Variants in ARHGAP24 observed in about 807,000 individuals in gnomAD.
ARHGAP24 encodes the protein Rho GTPase activating protein 24.
In ARHGAP24, 50 loss-of-function variants were observed where a neutral mutation model predicts 76.4. The observed-to-expected ratio is 0.65, with a 90% CI of 0.52 to 0.83. The LOEUF is 0.83. ARHGAP24 is among the 40% of genes least tolerant of loss of function. ARHGAP24 has a pLI of 0.00. For synonymous variants in ARHGAP24, 345 were observed against 323.3 expected (o/e 1.07, Z -0.72); for missense variants, 930 against 914.2 (o/e 1.02, Z -0.22).
chr4:85,758,501 T>C (rs2110071489), intron 3 of ARHGAP24, among the ~76,000 whole-genome samples: 1 of 152,264 alleles, frequency 6.6e-6, no homozygotes, highest in South Asian at 2.1e-4. Context: ...GGTTGCATGT[T>C]TGCAGGGAGG....
At chr4:85,525,388 T>G (rs760339907) in intron 1 of ARHGAP24, among the ~76,000 whole-genome samples, 3 of 151,950 alleles carry the variant, frequency 2.0e-5, no homozygotes, top group Non-Finnish European at 4.4e-5. Flanking sequence ...TTTTGCATTC[T>G]TTAAGCTCTC....
At chr4:85,860,128 G>A (rs111303438) in intron 3 of ARHGAP24, among the ~76,000 whole-genome samples, 7 of 152,130 alleles carry the variant, frequency 4.6e-5, no homozygotes, top group African/African-American at 1.7e-4. Flanking sequence ...TGCTTGCCAC[G>A]GGAAGTGTAT....
Position 85,995,373 on chromosome 4 carries a change from T to G in ARHGAP24, c.1719T>G (p.Ser573=), listed in dbSNP as rs764354445. ...CTGAGAACTCCAACTCCTGTCGCTC[T>G]TCTACCACCACCTGCCCAGAGCAAG... The part of the protein sequence containing the change: ...SLPENSNSCR[S]STTTCPEQDF... The change falls in exon 9 of 10, where the codon TCT becomes TCG. Residue 573 remains serine, a synonymous_variant. Transcript: ENST00000395184. 6.2e-7 allele frequency: 1 copy of G among 1,614,112 alleles called. No homozygotes were observed.
chr4:85,813,343 G>A (rs1729091875), intron 3 of ARHGAP24, among the ~76,000 whole-genome samples: 1 of 152,172 alleles, frequency 6.6e-6, no homozygotes, highest in African/African-American at 2.4e-5. Flanking sequence ...ATGGGGGGTG[G>A]AGGGAAAAGG....
rs566284700 is a variant in ARHGAP24 at position 85,730,665 on chromosome 4, T to A, written c.268+8693T>A. On this transcript the variant is annotated intron_variant, in intron 3 of 9. Transcript: ENST00000395184. ...TACAAGCAGTCCTCCTCCCTCAGCC[T>A]CCCAAAGTGCTGGGATTATAGGCGT... 2.0e-5 allele frequency among the ~76,000 whole-genome samples: 3 copies of A among 152,252 alleles called. No individual in the cohort carries two copies. The South Asian group carries it at 6.2e-4, about 32-fold the overall frequency.
rs202079254 is a variant in ARHGAP24, at chr4:85,564,553, AT to A, written c.-20-5967del. Among the ~76,000 whole-genome samples, 284 of 151,398 alleles carry A rather than the reference AT, an allele frequency of 1.9e-3. 1 individual carries two copies. The highest frequency in any genetic ancestry group is 6.2e-3 in the African/African-American group (257 of 41,216). The stretch of plus-strand genomic sequence containing the variant: ...ACTTAAAGTATAATAATAAAAAAAA[AT>A]TAAAAAAAAAAGATTTTGTTTTCTA... On this transcript the variant is annotated intron_variant, in intron 1 of 9. Transcript: ENST00000395184.
chr4:85,746,580 C>T (rs1000881272), intron 3 of ARHGAP24, among the ~76,000 whole-genome samples: 1 of 152,098 alleles, frequency 6.6e-6, no homozygotes, highest in Admixed American at 6.6e-5. Flanking sequence ...TATTTTGTGC[C>T]TGCATGTATC....
At chr4:85,838,572 C>T (rs916361088) in intron 3 of ARHGAP24, among the ~76,000 whole-genome samples, 2 of 152,186 alleles carry the variant, frequency 1.3e-5, no homozygotes, top group African/African-American at 4.8e-5. Flanking sequence ...GCACTCCAGC[C>T]TGGGCGACAG....
chr4:85,895,076 A>C (rs1045536913), intron 3 of ARHGAP24, among the ~76,000 whole-genome samples: 4 of 146,966 alleles, frequency 2.7e-5, no homozygotes, highest in African/African-American at 5.0e-5. Flanking sequence ...ACGGAGTAAG[A>C]GGTAAAAGAC....
At chr4:85,627,885 G>C (rs1721019954) in intron 2 of ARHGAP24, among the ~76,000 whole-genome samples, 1 of 152,198 alleles carries the variant, frequency 6.6e-6, no homozygotes. Context: ...CCAGGTGCGG[G>C]ATATAATCTC....
At chr4:85,922,708 A>G (rs1304889992) in intron 3 of ARHGAP24, among the ~76,000 whole-genome samples, 2 of 152,192 alleles carry the variant, frequency 1.3e-5, no homozygotes, top group Admixed American at 6.5e-5. Flanking sequence ...TCCTTTAAAC[A>G]TAAAAGGTAT....
chr4:85,836,560 G>C (rs574736432), intron 3 of ARHGAP24, among the ~76,000 whole-genome samples: 1 of 152,240 alleles, frequency 6.6e-6, no homozygotes, highest in East Asian at 1.9e-4. Flanking sequence ...GAGGACACCA[G>C]TCATATTGGA....
intron 2 of ARHGAP24, among the ~76,000 whole-genome samples, chr4:85,675,448 G>A (rs1245791107): frequency 6.6e-6 from 1 of 152,168 alleles, no homozygotes; most frequent in Non-Finnish European, 1.5e-5. Flanking sequence ...TAACAGAAGG[G>A]CAGAATGGTT....
intron 3 of ARHGAP24, among the ~76,000 whole-genome samples, chr4:85,774,494 A>G (rs781248620): frequency 6.6e-5 from 10 of 152,228 alleles, no homozygotes; most frequent in Non-Finnish European, 1.3e-4. Flanking sequence ...AATTAGCTCT[A>G]GGCTATCTGC....
intron 3 of ARHGAP24, among the ~76,000 whole-genome samples, chr4:85,809,045 G>GA (rs1469602213): frequency 6.6e-6 from 1 of 152,124 alleles, no homozygotes; most frequent in African/African-American, 2.4e-5. Context: ...GCATTGCATA[G>GA]AAAATCATTA....
At chr4:85,713,689 A>G (rs1724619083) in intron 2 of ARHGAP24, among the ~76,000 whole-genome samples, 1 of 152,172 alleles carries the variant, frequency 6.6e-6, no homozygotes, top group Non-Finnish European at 1.5e-5. Context: ...CTGTAAGATG[A>G]CAATAGTTCT....
intron 3 of ARHGAP24, among the ~76,000 whole-genome samples, chr4:85,884,926 C>G (rs960037664): frequency 3.3e-5 from 5 of 152,046 alleles, no homozygotes; most frequent in Non-Finnish European, 5.9e-5. Flanking sequence ...AATGTGCCAC[C>G]TTTTACACAG....
intron 1 of ARHGAP24, among the ~76,000 whole-genome samples, chr4:85,564,554 T>TA (rs1284396762): frequency 4.7e-5 from 7 of 148,038 alleles, no homozygotes; most frequent in Non-Finnish European, 9.0e-5. Flanking sequence ...TAAAAAAAAA[T>TA]TAAAAAAAAA....
intron 1 of ARHGAP24, among the ~76,000 whole-genome samples, chr4:85,560,601 G>C (rs572633008): frequency 6.6e-6 from 1 of 152,262 alleles, no homozygotes; most frequent in East Asian, 1.9e-4. Flanking sequence ...CTGTACGTAA[G>C]TTCCCCCAGG....
Sources: allele counts gnomAD v4.1 joint callset (sites outside exome capture counted in the v4.1 genomes callset), GRCh38; gene constraint gnomAD v4.1.1; transcripts MANE v1.5; gene names NCBI Gene and HGNC (gene_info 2026-07-23, HGNC 2026-07-21).